The following PC variants were observed in gnomAD, a reference collection of about 807,000 sequenced individuals.
The protein encoded by PC is pyruvate carboxylase, mitochondrial.
A neutral mutation model predicts 107.8 loss-of-function variants in PC; 46 were observed. The ratio of observed to expected loss-of-function variants is 0.43; its 90% CI spans 0.34 to 0.55. PC has a LOEUF of 0.55. Ranked by LOEUF, PC falls within the 20% of genes least tolerant of loss-of-function variation. The probability of loss-of-function intolerance (pLI) is 0.04; values close to 1 mark genes in which losing one functional copy is unlikely to be tolerated. For missense variants in PC, 1,241 were observed against 1,643.1 expected (o/e 0.76, Z 4.23); for synonymous variants, 662 against 684.7 (o/e 0.97, Z 0.52).
chr11:66,951,344 G>A (rs893459359), intron 3 of PC, among the ~76,000 whole-genome samples: 2 of 152,182 alleles, frequency 1.3e-5, no homozygotes, highest in African/African-American at 4.8e-5. Flanking sequence ...GACCAGCAGG[G>A]GGAGAGGGGA....
rs746399305 is a variant in PC, at chr11:66,858,768, G to A, written c.1368+5006C>T. ...CGGGACCTTAGAGATTGGGGTGACC[G>A]GCGCTGGGGACGCTGGGGGCTACAC... On this transcript the variant is annotated intron_variant, in intron 12 of 22. Transcript: ENST00000393960. The surrounding 1 kb of genome is among the most constrained non-coding windows in gnomAD (Gnocchi z 5.9). The A allele has an allele frequency of 5.2e-6, 8 of 1,551,206 alleles. No homozygotes were observed. In the East Asian group the frequency reaches 1.2e-4, roughly 24 times the overall value.
chr11:66,866,335 T>A lies in PC; in HGVS notation c.1037A>T (p.His346Leu). Reference protein sequence around the residue: ...TEEITDVDLVHAQIHVAEGRS... With the variant: ...TEEITDVDLVLAQIHVAEGRS... ...GCCCTCAGCCACGTGGATCTGAGCA[T>A]GGACCAGGTCTACGCTGTAGGGCAT... The change falls in exon 11 of 23, where the codon CAT becomes CTT. Residue 346 changes from histidine (H) to leucine (L), a missense_variant. Physicochemically the swap from His to Leu is moderately conservative, Grantham distance 99 (BLOSUM62 -3). Coordinates refer to ENST00000393960, the MANE Select transcript of PC (RefSeq NM_001040716.2). The surrounding 1 kb of genome is among the most constrained non-coding windows in gnomAD (Gnocchi z 5.4). The A allele has an allele frequency of 1.3e-6, 2 of 1,594,528 alleles. No individual in the cohort carries two copies. The highest frequency in any genetic ancestry group is 1.7e-6 in the Non-Finnish European group (2 of 1,174,316).
At chr11:66,863,651 G>T (rs903679516) in intron 12 of PC, 123 bp downstream of exon 12, 3 of 1,055,858 alleles carry the variant, frequency 2.8e-6, no homozygotes, top group Non-Finnish European at 1.4e-6. Flanking sequence ...CACTGACCTC[G>T]ACCCATCAGT....
intron 3 of PC, among the ~76,000 whole-genome samples, chr11:66,948,697 G>A (rs1949365818): frequency 6.6e-6 from 1 of 151,962 alleles, no homozygotes; most frequent in Admixed American, 6.6e-5. Flanking sequence ...AAAATTAGCC[G>A]GGTGTGGTGG....
intron 9 of PC, 74 bp from the exon 10 acceptor site, chr11:66,869,038 A>C (rs2135930175): frequency 8.8e-7 from 1 of 1,136,444 alleles, no homozygotes; most frequent in East Asian, 2.4e-5. Flanking sequence ...CAGGACAGGG[A>C]TTCCGTCCCA....
intron 12 of PC, chr11:66,859,161 G>A: frequency 6.9e-7 from 1 of 1,452,532 alleles, no homozygotes; most frequent in Non-Finnish European, 9.1e-7. Context: ...CTCCCCACAA[G>A]GCTTTGCTTC....
chr11:66,930,525 T>A (rs1411346189), intron 3 of PC, among the ~76,000 whole-genome samples: 1 of 152,154 alleles, frequency 6.6e-6, no homozygotes, highest in Non-Finnish European at 1.5e-5. Flanking sequence ...GCGGATCACC[T>A]GAGTTCAGGA....
intron 11 of PC, among the ~76,000 whole-genome samples, chr11:66,864,801 C>T (rs942106312): frequency 1.3e-5 from 2 of 152,200 alleles, no homozygotes; most frequent in African/African-American, 2.4e-5. Context: ...TCGTGCCGCC[C>T]GAGTGAGCCC....
At position 66,859,119 on chromosome 11, in the gene PC, C is replaced by G. The variant is rs369389968; in HGVS notation, c.1368+4655G>C. The G allele has an allele frequency of 2.7e-6, 4 of 1,477,702 alleles. No homozygotes were observed. The African/African-American group carries it at 5.7e-5, about 21-fold the overall frequency. The allele number at this position is 1,477,702 out of a possible 1,614,324, so 91.5% of individuals were successfully genotyped here. A position where few individuals can be genotyped will look rare whatever the true frequency, so the allele number is the denominator to read the frequency against. On this transcript the variant is annotated intron_variant, in intron 12 of 22. Transcript: ENST00000393960. ...GTGAGGATGCGTGCCCCACACCCGG[C>G]TGCACTCCCGGCGCCCTTCCTCCGC...
At chr11:66,867,384 T>C (rs1451091078) in intron 10 of PC, among the ~76,000 whole-genome samples, 10 of 152,128 alleles carry the variant, frequency 6.6e-5, no homozygotes, top group Admixed American at 6.5e-4. Flanking sequence ...AGACTATGTC[T>C]TAAAAAAAAC....
chr11:66,952,823 G>C (rs1240105624), intron 2 of PC, among the ~76,000 whole-genome samples: 1 of 152,222 alleles, frequency 6.6e-6, no homozygotes, highest in East Asian at 1.9e-4. Flanking sequence ...GATTACAGGT[G>C]TGAGCCACCG....
Position 66,858,054 on chromosome 11 carries a change from G to A in PC, c.1369-4671C>T. ...CGAGAGCCTGCGTTCCCTCCACCTTGACGGCAACAGGCTGGTGGAGCTGGG... is the reference window on the plus strand; with the variant it reads ...CGAGAGCCTGCGTTCCCTCCACCTTAACGGCAACAGGCTGGTGGAGCTGGG... On this transcript the variant is annotated intron_variant, in intron 12 of 22. Coordinates refer to ENST00000393960, the MANE Select transcript of PC (RefSeq NM_001040716.2). This position sits in a 1 kb window ranked among gnomAD's most constrained non-coding sequence, Gnocchi z 5.9. 2 of 1,610,566 alleles carry A rather than the reference G, an allele frequency of 1.2e-6. No individual in the cohort carries two copies. The highest frequency in any genetic ancestry group is 2.2e-5 in the South Asian group (2 of 91,058).
In PC at chr11:66,947,778, C is replaced by T. The variant is rs562566259; in HGVS notation, c.-1+4652G>A. On this transcript the variant is annotated intron_variant, in intron 3 of 22. Transcript: ENST00000393960. ...CAGGAGTCGAGACCAGCCTGGCCAA[C>T]ATGGTGAAACCCCCTCTCTACTAAA... Among the ~76,000 whole-genome samples, 4 of 151,084 alleles carry T rather than the reference C, an allele frequency of 2.6e-5. No individual in the cohort carries two copies. The South Asian group carries it at 8.4e-4, about 32-fold the overall frequency.
chr11:66,954,664 G>A (rs1305597673), intron 1 of PC, among the ~76,000 whole-genome samples: 2 of 152,242 alleles, frequency 1.3e-5, no homozygotes, highest in African/African-American at 2.4e-5. Context: ...TTGACCAGAG[G>A]CCGGGTGCAG....
In PC at chr11:66,906,028, A is replaced by C. The variant is rs118019020; in HGVS notation, c.1-33869T>G. On this transcript the variant is annotated intron_variant, in intron 3 of 22. Coordinates refer to ENST00000393960, the MANE Select transcript of PC (RefSeq NM_001040716.2). Reference sequence around the variant, plus strand: ...CTAGTATGTCACAGCACAGGAGCCCAAAAGAGAAGTTTCAGGCAGAGGTGG... The same window carrying C: ...CTAGTATGTCACAGCACAGGAGCCCCAAAGAGAAGTTTCAGGCAGAGGTGG... Among the ~76,000 whole-genome samples, 478 of 152,264 alleles carry C rather than the reference A, an allele frequency of 3.1e-3. 12 individuals carry two copies. In the East Asian group the frequency reaches 0.057, roughly 18 times the overall value.
chr11:66,861,151 G>A (rs1293781239), intron 12 of PC, among the ~76,000 whole-genome samples: 1 of 152,218 alleles, frequency 6.6e-6, no homozygotes, highest in African/African-American at 2.4e-5. Context: ...CCTCGCTGCA[G>A]GGAGGCAGCC....
At chr11:66,907,798 C>A (rs1424879882) in intron 3 of PC, 4 of 152,292 alleles carry the variant, frequency 2.6e-5, no homozygotes, top group Admixed American at 6.5e-5. Context: ...TGCCTAGAGG[C>A]CTCTGAAAGT....
intron 3 of PC, among the ~76,000 whole-genome samples, chr11:66,911,848 T>C (rs1376153736): frequency 6.6e-6 from 1 of 151,952 alleles, no homozygotes; most frequent in Non-Finnish European, 1.5e-5. Flanking sequence ...CTGACCAATA[T>C]AGTGAAACCC....
chr11:66,900,492 T>C (rs1947913861), intron 3 of PC, among the ~76,000 whole-genome samples: 1 of 152,132 alleles, frequency 6.6e-6, no homozygotes, highest in African/African-American at 2.4e-5. Context: ...CTTTTGGTTG[T>C]TCTGGTTCCC....
Sources: allele counts gnomAD v4.1 joint callset (sites outside exome capture counted in the v4.1 genomes callset), GRCh38; gene constraint gnomAD v4.1.1; non-coding constraint Gnocchi (gnomAD v3.1); transcripts MANE v1.5; gene names NCBI Gene and HGNC (gene_info 2026-07-23, HGNC 2026-07-21).